CDK14: variants seen among roughly 807,000 people sequenced by gnomAD.
CDK14 encodes cyclin-dependent kinase 14.
In CDK14, 34 loss-of-function variants were observed where a neutral mutation model predicts 60.7. That is an observed-to-expected ratio of 0.56 (90% CI 0.43 to 0.75). The LOEUF (loss-of-function observed/expected upper bound fraction) is 0.75, where lower values mean the gene tolerates loss of function less well. CDK14 is among the 30% of genes least tolerant of loss of function. CDK14 has a pLI of 0.00. For missense variants in CDK14, 482 were observed against 564.1 expected, an observed-to-expected ratio of 0.85 and a Z score of 1.47; for synonymous variants, 197 against 203.7, an observed-to-expected ratio of 0.97 and a Z score of 0.28.
At chr7:90,827,349 C>T (rs78313588) in intron 5 of CDK14, among the ~76,000 whole-genome samples, 2,578 of 152,116 alleles carry the variant, frequency 0.017, 65 homozygotes, top group African/African-American at 0.058. Flanking sequence ...TATTTATTTA[C>T]CTGTGGAAGG....
chr7:90,838,803 A>C (rs528171767), intron 5 of CDK14, among the ~76,000 whole-genome samples: 1 of 152,276 alleles, frequency 6.6e-6, no homozygotes, highest in East Asian at 1.9e-4. Context: ...GTTTATCAAG[A>C]CAATGCGTGC....
intron 5 of CDK14, 55 bp from the exon 6 acceptor site, chr7:90,863,120 T>A: frequency 1.1e-6 from 1 of 922,828 alleles, no homozygotes; most frequent in Non-Finnish European, 1.8e-6. Flanking sequence ...TAATGGTATA[T>A]ATTAGTTGAT....
intron 11 of CDK14, among the ~76,000 whole-genome samples, chr7:91,070,062 G>A (rs983959395): frequency 9.9e-5 from 15 of 152,162 alleles, no homozygotes; most frequent in Admixed American, 9.2e-4. Context: ...CTCCCAAAAT[G>A]CTGGGATTAT....
At chr7:90,999,965 A>G (rs1268954845) in intron 10 of CDK14, among the ~76,000 whole-genome samples, 2 of 152,222 alleles carry the variant, frequency 1.3e-5, no homozygotes, top group Non-Finnish European at 1.5e-5. Flanking sequence ...GAAAAAAGTA[A>G]TGACTGGGCC....
At chr7:90,661,178 G>A (rs1343117004) in intron 2 of CDK14, among the ~76,000 whole-genome samples, 2 of 152,230 alleles carry the variant, frequency 1.3e-5, no homozygotes, top group Non-Finnish European at 2.9e-5. Flanking sequence ...GGAAATTCTT[G>A]AGAGTCTGAA....
At chr7:91,058,062 T>G (rs906405560) in intron 11 of CDK14, among the ~76,000 whole-genome samples, 1 of 152,162 alleles carries the variant, frequency 6.6e-6, no homozygotes, top group Non-Finnish European at 1.5e-5. Flanking sequence ...TCCATTTGTT[T>G]GTATCCTCTT....
At chr7:91,035,372 C>T (rs1463556734) in intron 10 of CDK14, among the ~76,000 whole-genome samples, 1 of 152,202 alleles carries the variant, frequency 6.6e-6, no homozygotes, top group Non-Finnish European at 1.5e-5. Context: ...TTCCATTTTA[C>T]ACAGCTTTTA....
intron 14 of CDK14, among the ~76,000 whole-genome samples, chr7:91,118,595 G>T (rs940664882): frequency 6.6e-5 from 10 of 152,042 alleles, no homozygotes; most frequent in Non-Finnish European, 8.8e-5. Flanking sequence ...AAAATGGGGA[G>T]ATTACACACA....
chr7:91,101,888 G>T (rs1799155200), intron 12 of CDK14, among the ~76,000 whole-genome samples: 1 of 152,180 alleles, frequency 6.6e-6, no homozygotes, highest in Non-Finnish European at 1.5e-5. Flanking sequence ...CAAAAGCAGT[G>T]TTATGACCAT....
chr7:91,012,439 T>C (rs1796188745), intron 10 of CDK14, among the ~76,000 whole-genome samples: 1 of 152,200 alleles, frequency 6.6e-6, no homozygotes, highest in South Asian at 2.1e-4. Flanking sequence ...TTTCTCCTCT[T>C]TGATCCTCTG....
intron 14 of CDK14, among the ~76,000 whole-genome samples, chr7:91,170,371 T>C (rs545192519): frequency 6.6e-6 from 1 of 152,362 alleles, no homozygotes; most frequent in South Asian, 2.1e-4. Context: ...TGTTTCAGTA[T>C]CATGAATGAC....
chr7:90,868,107 A>G (rs1472393860), intron 6 of CDK14, among the ~76,000 whole-genome samples: 1 of 152,028 alleles, frequency 6.6e-6, no homozygotes, highest in Non-Finnish European at 1.5e-5. Context: ...TGGACTCTGG[A>G]TGGCAGAGCA....
At chr7:90,863,378 A>G in intron 6 of CDK14, 109 bp downstream of exon 6, 1 of 571,330 alleles carries the variant, frequency 1.8e-6, no homozygotes, top group Non-Finnish European at 3.1e-6. Context: ...TTAATATTTT[A>G]TCTGAATACA....
intron 10 of CDK14, among the ~76,000 whole-genome samples, chr7:91,015,521 G>GT (rs10710645): frequency 0.23 from 17,824 of 77,520 alleles, 2,947 homozygotes; most frequent in Middle Eastern, 0.27. Context: ...TATGTCTTGG[G>GT]TTTTTTTTTT....
intron 10 of CDK14, among the ~76,000 whole-genome samples, chr7:91,036,090 G>A (rs1248950128): frequency 2.0e-5 from 3 of 152,112 alleles, no homozygotes; most frequent in East Asian, 3.9e-4. Flanking sequence ...TGATCCACCC[G>A]CCTCGGCCTC....
chr7:90,631,292 C>T (rs1379929920), intron 2 of CDK14, among the ~76,000 whole-genome samples: 9 of 152,150 alleles, frequency 5.9e-5, no homozygotes, highest in Non-Finnish European at 1.2e-4. Flanking sequence ...TGACTCTTAG[C>T]CAGGGCTCCT....
intron 10 of CDK14, among the ~76,000 whole-genome samples, chr7:91,007,932 T>G (rs1194620311): frequency 1.3e-5 from 2 of 152,046 alleles, no homozygotes; most frequent in Admixed American, 6.6e-5. Context: ...AACACAATAT[T>G]TCATTAGATA....
intron 14 of CDK14, among the ~76,000 whole-genome samples, chr7:91,159,578 G>C (rs1466135225): frequency 1.3e-5 from 2 of 152,212 alleles, no homozygotes; most frequent in African/African-American, 2.4e-5. Context: ...CAAGCTTGCT[G>C]TCTGGACCGA....
chr7:90,697,851 G>A (rs1036630333), intron 2 of CDK14, among the ~76,000 whole-genome samples: 1 of 151,856 alleles, frequency 6.6e-6, no homozygotes, highest in South Asian at 2.1e-4. Context: ...GGTGGATCAC[G>A]AGGTCAGGAG....
Sources: allele counts gnomAD v4.1 joint callset (sites outside exome capture counted in the v4.1 genomes callset), GRCh38; gene constraint gnomAD v4.1.1; transcripts MANE v1.5; gene names NCBI Gene and HGNC (gene_info 2026-07-23, HGNC 2026-07-21).